The following CSMD1 variants were observed in gnomAD, a reference collection of about 807,000 sequenced individuals.
CSMD1 encodes the protein CUB and sushi domain-containing protein 1.
In CSMD1, 213 loss-of-function variants were observed where a neutral mutation model predicts 417.5. That is an observed-to-expected ratio of 0.51 (90% CI 0.46 to 0.57). CSMD1 has a LOEUF of 0.57. CSMD1 is among the 20% of genes least tolerant of loss of function. The probability of loss-of-function intolerance (pLI) is 0.00; values close to 1 mark genes in which losing one functional copy is unlikely to be tolerated. For synonymous variants in CSMD1, 2,862 were observed against 1,736.8 expected, an observed-to-expected ratio of 1.65 and a Z score of -16.11; for missense variants, 6,923 against 4,529.7, an observed-to-expected ratio of 1.53 and a Z score of -15.17.
chr8:2,973,328 C>A, intron 56 of CSMD1, 29 bp from the exon 57 acceptor site: 1 of 1,603,550 alleles, frequency 6.2e-7, no homozygotes, highest in East Asian at 2.2e-5. Flanking sequence ...TACGGCAATC[C>A]ACAATTGTGT....
intron 1 of CSMD1, among the ~76,000 whole-genome samples, chr8:4,750,822 T>G (rs930993032): frequency 1.3e-5 from 2 of 152,102 alleles, no homozygotes; most frequent in Non-Finnish European, 2.9e-5. Context: ...TGTTTCAGTA[T>G]CAAGGGTCTA....
At chr8:4,683,939 T>G (rs1563136554) in intron 1 of CSMD1, among the ~76,000 whole-genome samples, 1 of 151,802 alleles carries the variant, frequency 6.6e-6, no homozygotes, top group African/African-American at 2.4e-5. Flanking sequence ...ACAAGAAGAG[T>G]TTTTAATCAA....
intron 36 of CSMD1, among the ~76,000 whole-genome samples, chr8:3,185,741 C>T (rs72621200): frequency 0.13 from 19,645 of 152,168 alleles, 1,757 homozygotes; most frequent in East Asian, 0.28. Flanking sequence ...ACTTTCTAAG[C>T]AGGTTTTACC....
At chr8:4,403,766 G>T (rs140711556) in intron 3 of CSMD1, among the ~76,000 whole-genome samples, 3 of 152,016 alleles carry the variant, frequency 2.0e-5, no homozygotes, top group Admixed American at 1.3e-4. Context: ...CTCCACTTAC[G>T]TTTCCATCTT....
At chr8:3,915,727 G>C (rs182464939) in intron 5 of CSMD1, among the ~76,000 whole-genome samples, 2 of 150,482 alleles carry the variant, frequency 1.3e-5, no homozygotes, top group African/African-American at 4.9e-5. Flanking sequence ...TGTTAATTTA[G>C]CTAGCAGCTC....
chr8:3,251,525 T>G (rs1392597579), intron 26 of CSMD1, among the ~76,000 whole-genome samples: 2 of 152,190 alleles, frequency 1.3e-5, no homozygotes, highest in Admixed American at 6.5e-5. Flanking sequence ...TCTCTTGGCT[T>G]AGGATTGACT....
At chr8:3,074,025 C>G (rs1813477692) in intron 49 of CSMD1, among the ~76,000 whole-genome samples, 1 of 152,232 alleles carries the variant, frequency 6.6e-6, no homozygotes, top group Non-Finnish European at 1.5e-5. Flanking sequence ...TGGCCTCACC[C>G]TGAGGGTGGC....
chr8:3,499,337 G>C (rs887875094), intron 10 of CSMD1, among the ~76,000 whole-genome samples: 8 of 152,128 alleles, frequency 5.3e-5, no homozygotes, highest in African/African-American at 1.2e-4. Context: ...CTCTAATGCA[G>C]ATGGAGACTT....
At chr8:4,404,605 C>A (rs564729283) in intron 3 of CSMD1, among the ~76,000 whole-genome samples, 1 of 152,120 alleles carries the variant, frequency 6.6e-6, no homozygotes, top group Non-Finnish European at 1.5e-5. Flanking sequence ...GCAAAAATGG[C>A]AATTTCTTTT....
At chr8:3,875,622 G>C (rs1281438403) in intron 5 of CSMD1, among the ~76,000 whole-genome samples, 10 of 152,186 alleles carry the variant, frequency 6.6e-5, no homozygotes, top group Admixed American at 5.2e-4. Flanking sequence ...AGGAGGACCA[G>C]AGTTTCCTCA....
At position 3,315,389 on chromosome 8, in the gene CSMD1, T is replaced by C. The variant is rs1008702577; in HGVS notation, c.3632-6886A>G. ...CCTGAAATGTGTGATTGTTCCATGT[T>C]TTACAATACATCTCTCTTTATTCAA... is the stretch of plus-strand genomic sequence containing the variant. On this transcript the variant is annotated intron_variant, in intron 23 of 69. Coordinates refer to ENST00000635120, the MANE Select transcript of CSMD1 (RefSeq NM_033225.6). Among the ~76,000 whole-genome samples the C allele has an allele frequency of 5.9e-5, 9 of 151,928 alleles. No homozygotes were observed. In the East Asian group the frequency reaches 1.7e-3, roughly 29 times the overall value.
intron 3 of CSMD1, among the ~76,000 whole-genome samples, chr8:4,129,861 C>G (rs904794515): frequency 6.6e-6 from 1 of 152,112 alleles, no homozygotes; most frequent in African/African-American, 2.4e-5. Flanking sequence ...CCTGCTTTTT[C>G]ATAGCATTCT....
chr8:3,996,202 C>A (rs577131452), intron 5 of CSMD1, among the ~76,000 whole-genome samples: 233 of 152,310 alleles, frequency 1.5e-3, no homozygotes, highest in African/African-American at 5.4e-3. Flanking sequence ...TCTCTCCCAA[C>A]CTGACATCTT....
chr8:4,803,018 A>G (rs1027806138), intron 1 of CSMD1, among the ~76,000 whole-genome samples: 2 of 152,170 alleles, frequency 1.3e-5, no homozygotes, highest in Non-Finnish European at 2.9e-5. Context: ...ACCAGATATC[A>G]TTTGGTTTTC....
intron 7 of CSMD1, among the ~76,000 whole-genome samples, chr8:3,686,837 G>C (rs1439008200): frequency 2.0e-5 from 3 of 152,134 alleles, no homozygotes; most frequent in Non-Finnish European, 2.9e-5. Context: ...CATGAAATTT[G>C]CATTAAATAA....
intron 3 of CSMD1, among the ~76,000 whole-genome samples, chr8:4,333,192 C>G (rs532026696): frequency 6.6e-6 from 1 of 152,216 alleles, no homozygotes; most frequent in African/African-American, 2.4e-5. Flanking sequence ...GGATATCATG[C>G]CACTCACAGT....
At chr8:4,681,006 G>A (rs1371873736) in intron 1 of CSMD1, among the ~76,000 whole-genome samples, 1 of 148,634 alleles carries the variant, frequency 6.7e-6, no homozygotes, top group Middle Eastern at 3.3e-3. Context: ...GAGAGAGAAT[G>A]AGAAAGTCAT....
chr8:4,416,601 G>C (rs1196952601), intron 3 of CSMD1, among the ~76,000 whole-genome samples: 10 of 151,944 alleles, frequency 6.6e-5, no homozygotes, highest in Admixed American at 4.6e-4. Context: ...TTATAAAATA[G>C]AAGAATTCCT....
chr8:4,333,035 C>T (rs572110459), intron 3 of CSMD1, among the ~76,000 whole-genome samples: 4 of 151,792 alleles, frequency 2.6e-5, no homozygotes, highest in Non-Finnish European at 4.4e-5. Context: ...ATCCCACACA[C>T]AGCAACCATT....
Sources: gnomAD v4.1 joint callset for allele counts (sites outside exome capture counted in the v4.1 genomes callset) on GRCh38, gnomAD v4.1.1 for gene constraint, MANE v1.5 for transcripts, NCBI Gene and HGNC (gene_info 2026-07-23, HGNC 2026-07-21) for gene names.